ARHGEF16: variants seen among roughly 807,000 people sequenced by gnomAD.
The protein encoded by ARHGEF16 is Rho guanine exchange factor (GEF) 16.
In ARHGEF16, 59 loss-of-function variants were observed where a neutral mutation model predicts 74.1. That is an observed-to-expected ratio of 0.80 (90% CI 0.65 to 0.99). The LOEUF (loss-of-function observed/expected upper bound fraction) is 0.99, where lower values mean the gene tolerates loss of function less well. Among genes scored for constraint, ARHGEF16 ranks in the 50% least tolerant of loss-of-function variants. The pLI, the probability that ARHGEF16 is intolerant of heterozygous loss-of-function variation, is 0.00. For missense variants in ARHGEF16, 948 were observed against 986.6 expected, an observed-to-expected ratio of 0.96 and a Z score of 0.52; for synonymous variants, 415 against 412.6, an observed-to-expected ratio of 1.01 and a Z score of -0.07.
At chr1:3,467,395 C>T (rs1639578429) in intron 4 of ARHGEF16, 58 bp downstream of exon 4, 4 of 1,484,610 alleles carry the variant, frequency 2.7e-6, no homozygotes, top group Non-Finnish European at 3.6e-6. Flanking sequence ...CCACAGTCCC[C>T]CTGCTGTTCC....
Position 3,468,871 on chromosome 1 carries a change from T to C in ARHGEF16, c.805-9T>C, listed in dbSNP as rs1639623741. On this transcript the variant is annotated splice_polypyrimidine_tract_variant and intron_variant, in intron 4 of 14. Coordinates refer to ENST00000378378, the MANE Select transcript of ARHGEF16 (RefSeq NM_014448.4). Reference sequence around the variant, plus strand: ...GTGACCGAGAGCTCCTGGGCCTGTGTCCCCCCAGGTGGTGGAATTGGGCAT... The same window carrying C: ...GTGACCGAGAGCTCCTGGGCCTGTGCCCCCCCAGGTGGTGGAATTGGGCAT... The C allele has an allele frequency of 6.5e-7, 1 of 1,550,080 alleles. No homozygotes were observed. The highest frequency in any genetic ancestry group is 8.7e-7 in the Non-Finnish European group (1 of 1,146,768).
At chr1:3,465,267 A>C (rs1284930587) in intron 2 of ARHGEF16, among the ~76,000 whole-genome samples, 3 of 152,262 alleles carry the variant, frequency 2.0e-5, no homozygotes, top group Non-Finnish European at 2.9e-5. Context: ...CGCAGGGAGA[A>C]TGCCGAGGGC....
At position 3,477,993 on chromosome 1, in the gene ARHGEF16, T is replaced by C. The variant is rs773937645; in HGVS notation, c.1592T>C (p.Phe531Ser). The C allele has an allele frequency of 5.0e-6, 8 of 1,612,552 alleles. No homozygotes were observed. The highest frequency in any genetic ancestry group is 6.8e-6 in the Non-Finnish European group (8 of 1,179,890). The change falls in exon 11 of 15, where the codon TTC becomes TCC. Residue 531 changes from phenylalanine (F) to serine (S), a missense_variant. Physicochemically the swap from Phe to Ser is radical, Grantham distance 155. Transcript: ENST00000378378. ...CGGCCAACGTGCTACCTTTTCCTGT[T>C]CAACGATGTCCTGGTTGTGACCAAG... ...ASRPTCYLFL[F>S]NDVLVVTKKK...
intron 1 of ARHGEF16, among the ~76,000 whole-genome samples, chr1:3,462,252 C>T (rs925564949): frequency 5.3e-5 from 8 of 152,152 alleles, no homozygotes; most frequent in Admixed American, 1.3e-4. Flanking sequence ...ACTGGACTCT[C>T]GGGCTGGTGA....
In ARHGEF16 at chr1:3,474,687, C is replaced by A. The variant is rs59867555; in HGVS notation, c.1306-21C>A. The A allele has an allele frequency of 8.9e-3, 14,328 of 1,609,288 alleles. 1,009 individuals carry two copies. The African/African-American group carries it at 0.16, about 18-fold the overall frequency. On this transcript the variant is annotated intron_variant, in intron 8 of 14. Coordinates refer to ENST00000378378, the MANE Select transcript of ARHGEF16 (RefSeq NM_014448.4). The stretch of plus-strand genomic sequence containing the variant: ...GGGATGCCAGAGGGGACTTTCTGTC[C>A]CATGTCTGTTGTCCATCCAGACGCT...
At chr1:3,473,994 A>G (rs111725294) in intron 8 of ARHGEF16, 36 of 243,876 alleles carry the variant, frequency 1.5e-4, no homozygotes, top group African/African-American at 5.8e-4. Flanking sequence ...TATGAGGGTG[A>G]AAGGTGTACA....
rs374221056 is a variant in ARHGEF16, at chr1:3,465,791, C to A, written c.589-357C>A. Among the ~76,000 whole-genome samples the A allele has an allele frequency of 2.0e-5, 3 of 152,310 alleles. No individual in the cohort carries two copies. In the East Asian group the frequency reaches 5.8e-4, roughly 29 times the overall value. The stretch of plus-strand genomic sequence containing the variant: ...GGCCAATCCTTGCTCGTCTGTCCCA[C>A]CAGGTCCTAGTCCCCAGGGGCCTGT... On this transcript the variant is annotated intron_variant, in intron 2 of 14. Coordinates refer to ENST00000378378, the MANE Select transcript of ARHGEF16 (RefSeq NM_014448.4).
chr1:3,473,938 A>C lies in ARHGEF16; in HGVS notation c.1305+416A>C, dbSNP rs551074802. 1.1e-3 allele frequency: 327 copies of C among 284,366 alleles called. 8 individuals carry two copies. In the South Asian group the frequency reaches 0.013, roughly 11 times the overall value. The allele number at this position is 284,366 out of a possible 1,614,324, so 17.6% of individuals were successfully genotyped here. Reference sequence around the variant, plus strand: ...AGAGAGGGGCTCAGAGAGGCTCACCAGCATGGGCTGTGTGTGTGGGATGCC... The same window carrying C: ...AGAGAGGGGCTCAGAGAGGCTCACCCGCATGGGCTGTGTGTGTGGGATGCC... On this transcript the variant is annotated intron_variant, in intron 8 of 14. Coordinates refer to ENST00000378378, the MANE Select transcript of ARHGEF16 (RefSeq NM_014448.4).
intron 4 of ARHGEF16, chr1:3,468,658 C>G (rs1256882284): frequency 3.5e-6 from 2 of 576,966 alleles, no homozygotes; most frequent in Non-Finnish European, 6.3e-6. Context: ...GCTCTGGCGG[C>G]TGGGGGGAGC....
At chr1:3,467,374 G>T in intron 4 of ARHGEF16, 37 bp downstream of exon 4, 1 of 1,526,892 alleles carries the variant, frequency 6.5e-7, no homozygotes, top group Non-Finnish European at 8.8e-7. Context: ...CCCCACAGAG[G>T]CAGGGAGAAG....
rs772468444 is a variant in ARHGEF16, at chr1:3,479,516, G to A, written c.1815-1G>A. On this transcript the variant is annotated splice_acceptor_variant, in intron 12 of 14. Transcript: ENST00000378378. LOFTEE classifies it high-confidence loss of function. ...TGGCTCATGCTGTCTCTGGTCCCCA[G>A]GAGTGACCGGGCACGGTGGATCGTG... The A allele has an allele frequency of 1.9e-6, 3 of 1,612,534 alleles. No homozygotes were observed. The highest frequency in any genetic ancestry group is 3.3e-5 in the Admixed American group (2 of 59,998).
chr1:3,463,098 A>C lies in ARHGEF16; in HGVS notation c.14A>C (p.His5Pro). 2 of 1,456,660 alleles carry C rather than the reference A, an allele frequency of 1.4e-6. No individual in the cohort carries two copies. 90.2% of individuals were successfully genotyped at this position (1,456,660 alleles called of 1,614,324 possible). Reference sequence around the variant, plus strand: ...CAGCCGCCCAGCATGGCCCAGCGGCACTCAGACAGCTCCTTGGAGGAGAAG... The same window carrying C: ...CAGCCGCCCAGCATGGCCCAGCGGCCCTCAGACAGCTCCTTGGAGGAGAAG... MAQR[H>P]SDSSLEEKLL... The change falls in exon 2 of 15, where the codon CAC (histidine) becomes CCC (proline). Residue 5 changes from histidine to proline, a missense_variant. Coordinates refer to ENST00000378378, the MANE Select transcript of ARHGEF16 (RefSeq NM_014448.4).
At chr1:3,473,614 A>T (rs756168167) in intron 8 of ARHGEF16, 92 bp downstream of exon 8, 2 of 1,566,326 alleles carry the variant, frequency 1.3e-6, no homozygotes, top group Non-Finnish European at 1.7e-6. Context: ...CGTGCTTGTG[A>T]CCTTCTCCTC....
In ARHGEF16 at chr1:3,466,202, G is replaced by A; in HGVS notation, c.634+9G>A. The A allele has an allele frequency of 6.5e-7, 1 of 1,538,046 alleles. No homozygotes were observed. The highest frequency in any genetic ancestry group is 8.8e-7 in the Non-Finnish European group (1 of 1,141,404). ...GGGTTCCTTCAAGGACGGTGAGTGT[G>A]GCTTCGGGAGGCACCGCGGGCTGGG... On this transcript the variant is annotated intron_variant, in intron 3 of 14. Transcript: ENST00000378378.
chr1:3,455,257 T>C (rs1639240363), intron 1 of ARHGEF16, among the ~76,000 whole-genome samples: 1 of 151,942 alleles, frequency 6.6e-6, no homozygotes, highest in Non-Finnish European at 1.5e-5. Flanking sequence ...CGGGAGCTCT[T>C]TGGGGAATCT....
intron 6 of ARHGEF16, among the ~76,000 whole-genome samples, chr1:3,470,473 G>A (rs976782447): frequency 2.6e-5 from 4 of 151,284 alleles, no homozygotes; most frequent in Admixed American, 6.6e-5. Flanking sequence ...GTGTGTGCAT[G>A]GATGTGTGTG....
intron 10 of ARHGEF16, among the ~76,000 whole-genome samples, chr1:3,477,000 C>T (rs1270779972): frequency 6.6e-6 from 1 of 152,058 alleles, no homozygotes; most frequent in African/African-American, 2.4e-5. Flanking sequence ...CCTCCCAGGC[C>T]TGGTCCACCC....
intron 11 of ARHGEF16, 57 bp downstream of exon 11, chr1:3,478,083 G>A (rs1184126151): frequency 1.9e-6 from 3 of 1,608,732 alleles, no homozygotes; most frequent in Non-Finnish European, 2.5e-6. Flanking sequence ...TGGACCGCTG[G>A]CCCTGGGGCA....
At chr1:3,454,903 C>G (rs1294057884) in intron 1 of ARHGEF16, 92 bp downstream of exon 1, 3 of 152,154 alleles carry the variant, frequency 2.0e-5, no homozygotes, top group African/African-American at 7.2e-5. Flanking sequence ...GCGCCGGGAA[C>G]CCGGGGCGCT....
Sources: allele counts gnomAD v4.1 joint callset (sites outside exome capture counted in the v4.1 genomes callset), GRCh38; gene constraint gnomAD v4.1.1; transcripts MANE v1.5; gene names NCBI Gene and HGNC (gene_info 2026-07-23, HGNC 2026-07-21).